Variants in LGALS8 observed in about 807,000 individuals in gnomAD.
The protein encoded by LGALS8 is galectin 8.
A neutral mutation model predicts 35.9 loss-of-function variants in LGALS8; 30 were observed. The ratio of observed to expected loss-of-function variants is 0.83; its 90% confidence interval spans 0.62 to 1.13. LGALS8 has a LOEUF of 1.13. Among genes scored for constraint, LGALS8 ranks in the 50% most tolerant of loss-of-function variants. The probability of loss-of-function intolerance (pLI) is 0.00; values close to 1 mark genes in which losing one functional copy is unlikely to be tolerated. For missense variants in LGALS8, 366 were observed against 388.7 expected, an observed-to-expected ratio of 0.94 and a Z score of 0.49; for synonymous variants, 138 against 136.1, an observed-to-expected ratio of 1.01 and a Z score of -0.10.
In LGALS8 at chr1:236,548,157, G is replaced by A; in HGVS notation, c.950G>A (p.Trp317Ter). The change falls in exon 10 of 10, where the codon TGG becomes TAG. Residue 317 changes from tryptophan to a stop codon, truncating the protein, a stop_gained. Transcript: ENST00000366584. LOFTEE classifies it high-confidence loss of function. ...GDIHLLEVRS[W>*] The stretch of plus-strand genomic sequence containing the variant: ...ATCCACTTACTGGAAGTAAGGAGCT[G>A]GTAGCCTACCTACACAGCTGCTACA... 1 of 1,612,860 alleles carries A rather than the reference G, an allele frequency of 6.2e-7. No individual in the cohort carries two copies. Among genetic ancestry groups the A allele is most frequent in the Non-Finnish European group, 8.5e-7 (1 of 1,179,306 alleles).
At position 236,538,922 on chromosome 1, in the gene LGALS8, G is replaced by T. The variant is rs1661761161; in HGVS notation, c.178G>T (p.Ala60Ser). 2 of 1,613,488 alleles carry T rather than the reference G, an allele frequency of 1.2e-6. No individual in the cohort carries two copies. The highest frequency in any genetic ancestry group is 8.5e-7 in the Non-Finnish European group (1 of 1,180,044). The stretch of plus-strand genomic sequence containing the variant: ...GAATGGCAGCAGCATGAAACCTCGA[G>T]CCGATGTGGCCTTTCATTTCAATCC... ...LQNGSSMKPR[A>S]DVAFHFNPRF... Residue 60 changes from alanine (A) to serine (S), a missense_variant, in exon 4 of 10, where the codon GCC becomes TCC. Ala to Ser is a moderately conservative substitution (Grantham distance 99). Coordinates refer to ENST00000366584, the MANE Select transcript of LGALS8 (RefSeq NM_201544.4).
chr1:236,540,765 C>A, intron 5 of LGALS8, 82 bp downstream of exon 5: 1 of 1,363,752 alleles, frequency 7.3e-7, no homozygotes, highest in South Asian at 1.5e-5. Flanking sequence ...AATAACACTT[C>A]TATTGACATA....
Position 236,543,115 on chromosome 1 carries a change from C to A in LGALS8, c.549+328C>A. 2.2e-6 allele frequency: 3 copies of A among 1,385,590 alleles called. No individual in the cohort carries two copies. The South Asian group carries it at 3.5e-5, about 16-fold the overall frequency. The allele number at this position is 1,385,590 out of a possible 1,614,324, so 85.8% of individuals were successfully genotyped here. On this transcript the variant is annotated intron_variant, in intron 7 of 9. Coordinates refer to ENST00000366584, the MANE Select transcript of LGALS8 (RefSeq NM_201544.4). ...ATGAGCTGTTACGAGTAACCTGTAT[C>A]CACAATAGAGGCCCAAAGCAGCCCC...
chr1:236,529,895 C>T (rs1050742107), intron 2 of LGALS8, among the ~76,000 whole-genome samples: 15 of 152,100 alleles, frequency 9.9e-5, no homozygotes, highest in Non-Finnish European at 2.1e-4. Flanking sequence ...TCAGGCAATC[C>T]GCCCGCCTCG....
intron 1 of LGALS8, chr1:236,524,739 G>A: frequency 8.1e-6 from 2 of 246,734 alleles, no homozygotes; most frequent in African/African-American, 4.4e-5. Context: ...TATTATACAT[G>A]TGTATGGCAA....
At chr1:236,541,070 T>A (rs929682410) in intron 5 of LGALS8, among the ~76,000 whole-genome samples, 16 of 152,206 alleles carry the variant, frequency 1.1e-4, no homozygotes, top group African/African-American at 3.9e-4. Flanking sequence ...ACAACCGTGG[T>A]CCCATAAGAT....
upstream of LGALS8, chr1:236,522,994 T>C (rs1660599811): frequency 6.6e-6 from 1 of 152,102 alleles, no homozygotes; most frequent in Non-Finnish European, 1.5e-5. Context: ...TCCAAACAAA[T>C]GTGGATAAAA....
At chr1:236,543,402 T>C in intron 7 of LGALS8, 158 bp from the exon 8 acceptor site, 2 of 716,488 alleles carry the variant, frequency 2.8e-6, no homozygotes, top group African/African-American at 1.7e-5. Flanking sequence ...ACAGTGCTGC[T>C]GCAGGGGACC....
intron 2 of LGALS8, among the ~76,000 whole-genome samples, chr1:236,529,443 A>G (rs186024140): frequency 0.025 from 3,764 of 151,740 alleles, 146 homozygotes; most frequent in African/African-American, 0.085. Context: ...TTAGCCGGGC[A>G]TGGTGGCGGT....
chr1:236,540,767 A>G, intron 5 of LGALS8, 84 bp downstream of exon 5: 1 of 1,362,916 alleles, frequency 7.3e-7, no homozygotes, highest in Non-Finnish European at 9.9e-7. Context: ...TAACACTTCT[A>G]TTGACATAAA....
chr1:236,544,851 A>C lies in LGALS8; in HGVS notation c.740A>C (p.Glu247Ala). The C allele has an allele frequency of 4.3e-6, 7 of 1,613,702 alleles. No homozygotes were observed. The highest frequency in any genetic ancestry group is 5.9e-6 in the Non-Finnish European group (7 of 1,179,662). The stretch of plus-strand genomic sequence containing the variant: ...TTTGTAAGAAATTCTTTTCTTCAGG[A>C]GTCCTGGGGAGAAGAAGAGAGAAAT... ...KAFVRNSFLQ[E>A]SWGEEERNIT... The change falls in exon 9 of 10, where the codon GAG becomes GCG. Residue 247 changes from glutamate (E) to alanine (A), a missense_variant. Coordinates refer to ENST00000366584, the MANE Select transcript of LGALS8 (RefSeq NM_201544.4).
intron 5 of LGALS8, chr1:236,541,216 T>TA (rs1344545812): frequency 1.8e-5 from 3 of 164,322 alleles, no homozygotes; most frequent in African/African-American, 7.2e-5. Flanking sequence ...CCAGGAGCTA[T>TA]AGGCCACACC....
chr1:236,536,865 TTC>T (rs1235345489), intron 2 of LGALS8, among the ~76,000 whole-genome samples: 1 of 152,128 alleles, frequency 6.6e-6, no homozygotes, highest in African/African-American at 2.4e-5. Context: ...TTTTTTTTTT[TTC>T]TGTTAGAATT....
upstream of LGALS8, among the ~76,000 whole-genome samples, chr1:236,519,243 TAGTC>T (rs1472428954): frequency 6.2e-5 from 9 of 145,782 alleles, no homozygotes; most frequent in African/African-American, 1.5e-4. Flanking sequence ...AAAAAAAAAT[TAGTC>T]AGGCATGGTG....
At chr1:236,531,469 G>A (rs983134987) in intron 2 of LGALS8, among the ~76,000 whole-genome samples, 23 of 152,132 alleles carry the variant, frequency 1.5e-4, no homozygotes, top group African/African-American at 4.8e-4. Context: ...GACTACAGGC[G>A]CCCGCCACCC....
chr1:236,541,355 A>G, intron 5 of LGALS8: 1 of 262,518 alleles, frequency 3.8e-6, no homozygotes, highest in Non-Finnish European at 7.0e-6. Context: ...TAAGCAACAC[A>G]TGACTGTCTT....
At position 236,542,286 on chromosome 1, in the gene LGALS8, G is replaced by C. The variant is rs562958437; in HGVS notation, c.523-475G>C. On this transcript the variant is annotated intron_variant, in intron 6 of 9. Transcript: ENST00000366584. ...GCTTGAGCCTAGGAGTTTGAGATCA[G>C]CCTGGGCCACATAGGGAGAACCCCA... The C allele has an allele frequency of 1.2e-3, 225 of 185,056 alleles. 2 individuals carry two copies. Among genetic ancestry groups the C allele is most frequent in the African/African-American group, 4.3e-3 (180 of 41,912 alleles). The allele number at this position is 185,056 out of a possible 1,614,324, so 11.5% of individuals were successfully genotyped here. A position where few individuals can be genotyped will look rare whatever the true frequency, so the allele number is the denominator to read the frequency against.
rs559372176 is a variant in LGALS8, at chr1:236,543,648, G to C, written c.638G>C (p.Ser213Thr). The change falls in exon 8 of 10, where the codon AGC (serine) becomes ACC (threonine). Residue 213 changes from serine (S) to threonine (T), a missense_variant and splice_region_variant. Ser to Thr is a moderately conservative substitution (Grantham distance 58). Transcript: ENST00000366584. ...GGAGAAGTGAATGCAAATGCCAAAA[G>C]GTCAGTATCCTTCGGTACCAGTCAC... ...VKGEVNANAK[S>T]FNVDLLAGKS... 1 of 1,610,702 alleles carries C rather than the reference G, an allele frequency of 6.2e-7. No homozygotes were observed. The highest frequency in any genetic ancestry group is 1.7e-5 in the Admixed American group (1 of 60,018).
At chr1:236,543,844 C>T (rs537343675) in intron 8 of LGALS8, among the ~76,000 whole-genome samples, 196 bp downstream of exon 8, 1 of 152,260 alleles carries the variant, frequency 6.6e-6, no homozygotes, top group African/African-American at 2.4e-5. Context: ...CGTGTTCTGA[C>T]CTCGGCTTTT....
Sources: gnomAD v4.1 joint callset for allele counts (sites outside exome capture counted in the v4.1 genomes callset) on GRCh38, gnomAD v4.1.1 for gene constraint, MANE v1.5 for transcripts, NCBI Gene and HGNC (gene_info 2026-07-23, HGNC 2026-07-21) for gene names.